Variants in NECAB1 observed in about 807,000 individuals in gnomAD.
NECAB1 encodes the protein N-terminal EF-hand calcium binding protein 1.
NECAB1 carries 29 observed loss-of-function variants against 57.5 expected under a neutral mutation model. That is an observed-to-expected ratio of 0.50 (90% CI 0.38 to 0.69). NECAB1 has a LOEUF of 0.69. Ranked by LOEUF, NECAB1 falls within the 30% of genes least tolerant of loss-of-function variation. The pLI, the probability that NECAB1 is intolerant of heterozygous loss-of-function variation, is 0.00. For missense variants in NECAB1, 372 were observed against 413.8 expected (o/e 0.90, Z 0.88); for synonymous variants, 142 against 147.7 (o/e 0.96, Z 0.28).
chr8:90,910,859 C>A (rs1809813836), intron 5 of NECAB1, among the ~76,000 whole-genome samples: 1 of 152,168 alleles, frequency 6.6e-6, no homozygotes, highest in Non-Finnish European at 1.5e-5. Context: ...TCAGGTTTGT[C>A]TCATAACCCA....
chr8:90,942,034 G>A lies in NECAB1; in HGVS notation c.860+1136G>A, dbSNP rs555516542. Among the ~76,000 whole-genome samples, 282 of 152,268 alleles carry A rather than the reference G, an allele frequency of 1.9e-3. 2 individuals are homozygous for A. The highest frequency in any genetic ancestry group is 6.2e-3 in the African/African-American group (259 of 41,562). On this transcript the variant is annotated intron_variant, in intron 10 of 12. Coordinates refer to ENST00000417640, the MANE Select transcript of NECAB1 (RefSeq NM_022351.5). The stretch of plus-strand genomic sequence containing the variant: ...AAACAGATACTTCATGTCTCTGGGT[G>A]TTTTGCTTTTCCTCTCAGTGTTCAA...
chr8:90,931,926 TAAAC>T (rs1810417207), intron 8 of NECAB1, among the ~76,000 whole-genome samples: 5 of 150,250 alleles, frequency 3.3e-5, no homozygotes, highest in Admixed American at 3.3e-4. Context: ...TAAAATAAAA[TAAAC>T]AAAAATAAAA....
intron 5 of NECAB1, 45 bp downstream of exon 5, chr8:90,881,175 G>T: frequency 7.4e-7 from 1 of 1,343,950 alleles, no homozygotes; most frequent in South Asian, 1.3e-5. Context: ...TCTCTTCTTT[G>T]AAAAAGATTT....
At chr8:90,856,838 A>G (rs1311900268) in intron 3 of NECAB1, among the ~76,000 whole-genome samples, 1 of 152,176 alleles carries the variant, frequency 6.6e-6, no homozygotes, top group African/African-American at 2.4e-5. Flanking sequence ...ACTGCCTCCT[A>G]AAGATGATCA....
chr8:90,893,730 A>G (rs1011317519), intron 5 of NECAB1, among the ~76,000 whole-genome samples: 2 of 152,132 alleles, frequency 1.3e-5, no homozygotes, highest in Non-Finnish European at 2.9e-5. Flanking sequence ...GGAGGCAATC[A>G]GGGCCCCCTG....
Position 90,862,634 on chromosome 8 carries a change from CTTGT to C in NECAB1, c.234-9491_234-9488del, listed in dbSNP as rs554548462. On this transcript the variant is annotated intron_variant, in intron 3 of 12. Coordinates refer to ENST00000417640, the MANE Select transcript of NECAB1 (RefSeq NM_022351.5). The stretch of plus-strand genomic sequence containing the variant: ...CAGCATATGTACACAGACTTTTGTA[CTTGT>C]TTATGTTTGAATTAATATGTTTTTT... Among the ~76,000 whole-genome samples, 653 of 151,978 alleles carry C rather than the reference CTTGT, an allele frequency of 4.3e-3. 9 individuals are homozygous for C. Among genetic ancestry groups the C allele is most frequent in the African/African-American group, 0.015 (602 of 41,478 alleles).
At chr8:90,867,042 C>A (rs1808529470) in intron 3 of NECAB1, among the ~76,000 whole-genome samples, 1 of 152,160 alleles carries the variant, frequency 6.6e-6, no homozygotes, top group Admixed American at 6.6e-5. Flanking sequence ...GAAAACGTGG[C>A]ACATCTACTA....
intron 2 of NECAB1, among the ~76,000 whole-genome samples, chr8:90,822,814 T>C (rs376992571): frequency 2.0e-5 from 3 of 151,774 alleles, no homozygotes; most frequent in African/African-American, 7.3e-5. Flanking sequence ...CTACATATCA[T>C]AGTGTTGGAG....
chr8:90,810,529 G>A (rs1586034891), intron 2 of NECAB1, among the ~76,000 whole-genome samples: 2 of 152,238 alleles, frequency 1.3e-5, no homozygotes, highest in South Asian at 2.1e-4. Flanking sequence ...AATAAGAATT[G>A]GCAGGACTAC....
At chr8:90,954,840 C>A (rs1199525959) in intron 12 of NECAB1, among the ~76,000 whole-genome samples, 2 of 147,250 alleles carry the variant, frequency 1.4e-5, no homozygotes, top group Non-Finnish European at 3.0e-5. Flanking sequence ...ACATAAGCTG[C>A]ATATATTTAT....
chr8:90,882,664 G>T (rs916382483), intron 5 of NECAB1, among the ~76,000 whole-genome samples: 3 of 152,034 alleles, frequency 2.0e-5, no homozygotes, highest in Admixed American at 1.3e-4. Context: ...AAAAGAAAAG[G>T]TCATCTCAAT....
intron 3 of NECAB1, among the ~76,000 whole-genome samples, chr8:90,855,748 C>T (rs955270959): frequency 6.6e-6 from 1 of 151,936 alleles, no homozygotes. Context: ...CTAGTTTTAC[C>T]CAATTTTGGT....
chr8:90,808,252 T>C (rs1434635877), intron 2 of NECAB1, among the ~76,000 whole-genome samples: 2 of 152,166 alleles, frequency 1.3e-5, no homozygotes, highest in African/African-American at 2.4e-5. Context: ...CATAGACTTA[T>C]CCCAAAACGT....
intron 10 of NECAB1, among the ~76,000 whole-genome samples, chr8:90,942,789 G>T (rs887366399): frequency 2.6e-4 from 40 of 152,172 alleles, no homozygotes; most frequent in African/African-American, 9.4e-4. Flanking sequence ...GGCTGAGGCA[G>T]GAGAATCGCT....
chr8:90,848,545 T>A (rs1346010059), intron 3 of NECAB1, among the ~76,000 whole-genome samples: 1 of 152,110 alleles, frequency 6.6e-6, no homozygotes, highest in Admixed American at 6.5e-5. Context: ...ACTGGGTAAT[T>A]TATGAAGAAA....
At chr8:90,818,208 T>G (rs1310744966) in intron 2 of NECAB1, among the ~76,000 whole-genome samples, 1 of 151,882 alleles carries the variant, frequency 6.6e-6, no homozygotes, top group Non-Finnish European at 1.5e-5. Flanking sequence ...GATTAGAGGT[T>G]TATCAAGTCT....
intron 9 of NECAB1, among the ~76,000 whole-genome samples, chr8:90,939,157 C>A (rs1810609600): frequency 6.6e-6 from 1 of 152,196 alleles, no homozygotes; most frequent in South Asian, 2.1e-4. Flanking sequence ...GCAAAAGGAG[C>A]CATGTGGCAC....
At chr8:90,865,392 A>T (rs1043595352) in intron 3 of NECAB1, among the ~76,000 whole-genome samples, 1 of 152,072 alleles carries the variant, frequency 6.6e-6, no homozygotes, top group African/African-American at 2.4e-5. Flanking sequence ...GTGTGTGATG[A>T]TCACTATACC....
intron 2 of NECAB1, among the ~76,000 whole-genome samples, chr8:90,803,225 A>G (rs890777592): frequency 2.0e-5 from 3 of 152,168 alleles, no homozygotes; most frequent in African/African-American, 7.2e-5. Flanking sequence ...GACAGAAATA[A>G]TGATGGCATC....
Sources: allele counts gnomAD v4.1 joint callset (sites outside exome capture counted in the v4.1 genomes callset), GRCh38; gene constraint gnomAD v4.1.1; transcripts MANE v1.5; gene names NCBI Gene and HGNC (gene_info 2026-07-23, HGNC 2026-07-21).